The following ADGRV1 variants were observed in gnomAD, a reference collection of about 807,000 sequenced individuals.
The protein encoded by ADGRV1 is adhesion G protein-coupled receptor V1.
Under a neutral mutation model 596.2 loss-of-function variants are expected in ADGRV1, and 359 were observed. That is an observed-to-expected ratio of 0.60 (90% confidence interval 0.55 to 0.66). ADGRV1 has a LOEUF of 0.66. Among genes scored for constraint, ADGRV1 ranks in the 30% least tolerant of loss-of-function variants. ADGRV1 has a pLI of 0.00. For synonymous variants in ADGRV1, 2,681 were observed against 2,679.2 expected, an observed-to-expected ratio of 1.00 and a Z score of -0.02; for missense variants, 7,274 against 7,575.6, an observed-to-expected ratio of 0.96 and a Z score of 1.48.
intron 59 of ADGRV1, among the ~76,000 whole-genome samples, chr5:90,767,707 T>C (rs574364377): frequency 7.9e-5 from 12 of 152,122 alleles, no homozygotes; most frequent in African/African-American, 2.9e-4. Flanking sequence ...ATGACTCTTC[T>C]TCAGAGCCTT....
intron 66 of ADGRV1, 56 bp downstream of exon 66, chr5:90,783,381 C>A: frequency 8.6e-7 from 1 of 1,162,016 alleles, no homozygotes; most frequent in Non-Finnish European, 1.3e-6. Context: ...TGTGTTCAAA[C>A]TCTTACATAT....
intron 84 of ADGRV1, among the ~76,000 whole-genome samples, chr5:90,969,193 A>T (rs1001522718): frequency 1.3e-5 from 2 of 152,226 alleles, no homozygotes; most frequent in Admixed American, 6.5e-5. Flanking sequence ...AGACTGTGAA[A>T]AGACAAAATG....
At chr5:91,001,082 A>G (rs951661132) in intron 85 of ADGRV1, among the ~76,000 whole-genome samples, 2 of 151,846 alleles carry the variant, frequency 1.3e-5, no homozygotes, top group African/African-American at 4.8e-5. Flanking sequence ...TTGTGTTTCC[A>G]TTTTTCTTTT....
At chr5:90,575,708 A>G (rs956455218) in intron 1 of ADGRV1, among the ~76,000 whole-genome samples, 4 of 152,094 alleles carry the variant, frequency 2.6e-5, no homozygotes, top group African/African-American at 7.2e-5. Flanking sequence ...TGACCATGAG[A>G]GGCAGACTCC....
rs1396935395 is a variant in ADGRV1, at chr5:90,926,376, G to A, written c.17857-39039G>A. On this transcript the variant is annotated intron_variant, in intron 83 of 89. Transcript: ENST00000405460. ...TTAGTCTTGGGAGAGTGTATGTGTC[G>A]AGGAATTTATCCATTTCTTCTAGAT... Among the ~76,000 whole-genome samples, 160 of 148,188 alleles carry A rather than the reference G, an allele frequency of 1.1e-3. 1 individual carries two copies. The highest frequency in any genetic ancestry group is 1.8e-3 in the Non-Finnish European group (123 of 66,832).
intron 79 of ADGRV1, among the ~76,000 whole-genome samples, chr5:90,851,908 G>A (rs1469090362): frequency 6.6e-6 from 1 of 152,152 alleles, no homozygotes; most frequent in East Asian, 1.9e-4. Context: ...ACAAAGGGTG[G>A]GAGGGGAAAA....
At chr5:91,033,093 T>C (rs371679304) in intron 85 of ADGRV1, among the ~76,000 whole-genome samples, 4 of 152,244 alleles carry the variant, frequency 2.6e-5, no homozygotes, top group East Asian at 1.9e-4. Flanking sequence ...TATCTTACTT[T>C]GTGTTTTCTA....
At chr5:90,651,546 A>G (rs1768625102) in intron 17 of ADGRV1, 58 bp from the exon 18 acceptor site, 3 of 1,340,624 alleles carry the variant, frequency 2.2e-6, no homozygotes, top group Admixed American at 2.5e-5. Context: ...TAAAAGTATA[A>G]ATTTTACAGC....
At chr5:90,727,418 A>G (rs922032299) in intron 48 of ADGRV1, among the ~76,000 whole-genome samples, 2 of 152,042 alleles carry the variant, frequency 1.3e-5, no homozygotes, top group Non-Finnish European at 1.5e-5. Flanking sequence ...CCAGGTCCCC[A>G]TTATTTCTCT....
intron 87 of ADGRV1, among the ~76,000 whole-genome samples, chr5:91,149,822 A>G (rs1227058505): frequency 1.1e-5 from 1 of 87,080 alleles, no homozygotes; most frequent in African/African-American, 4.3e-5. Flanking sequence ...ACAGAATAAA[A>G]CTCCAGCTCA....
chr5:90,824,311 C>G (rs981701709), intron 76 of ADGRV1, among the ~76,000 whole-genome samples: 1 of 152,132 alleles, frequency 6.6e-6, no homozygotes, highest in African/African-American at 2.4e-5. Context: ...CTAGAGCTGT[C>G]TTGATTTTTT....
intron 85 of ADGRV1, among the ~76,000 whole-genome samples, chr5:91,008,589 C>A (rs529027026): frequency 2.9e-4 from 44 of 152,112 alleles, no homozygotes; most frequent in African/African-American, 9.4e-4. Context: ...CTGCAACCTC[C>A]ACCTCCCAGG....
Position 90,961,512 on chromosome 5 carries a change from G to GT in ADGRV1, c.17857-3903_17857-3902insT, listed in dbSNP as rs1778026011. 2.1e-5 allele frequency among the ~76,000 whole-genome samples: 3 copies of GT among 145,480 alleles called. 1 individual carries two copies. The highest frequency in any genetic ancestry group is 4.5e-5 in the Non-Finnish European group (3 of 66,548). ...CAAAAAAAAAAAAAAAAAAAAGGGG[G>GT]GGTGGCGGTCATTTCAAGAATAATT... On this transcript the variant is annotated intron_variant, in intron 83 of 89. Transcript: ENST00000405460.
chr5:91,153,466 T>C, intron 89 of ADGRV1, 68 bp downstream of exon 89: 1 of 1,227,886 alleles, frequency 8.1e-7, no homozygotes, highest in Non-Finnish European at 1.1e-6. Flanking sequence ...ATATTTTCTT[T>C]CCATGAAGTT....
At chr5:90,736,765 A>G (rs1226511840) in intron 50 of ADGRV1, among the ~76,000 whole-genome samples, 1 of 151,410 alleles carries the variant, frequency 6.6e-6, no homozygotes, top group African/African-American at 2.4e-5. Flanking sequence ...TAACTGTGGT[A>G]GTTTCTCTTG....
intron 83 of ADGRV1, among the ~76,000 whole-genome samples, chr5:90,881,629 A>G (rs1194380464): frequency 6.6e-6 from 1 of 152,196 alleles, no homozygotes; most frequent in Non-Finnish European, 1.5e-5. Context: ...AATTTGTAAT[A>G]GTTTCCAGCT....
chr5:91,076,678 A>G (rs1007781266), intron 86 of ADGRV1, among the ~76,000 whole-genome samples: 1 of 152,094 alleles, frequency 6.6e-6, no homozygotes, highest in Admixed American at 6.6e-5. Context: ...TATTAGGACT[A>G]TTTTTATAAG....
At position 91,108,683 on chromosome 5, in the gene ADGRV1, C is replaced by CTCCT. The variant is rs369938102; in HGVS notation, c.18432+6344_18432+6347dup. Among the ~76,000 whole-genome samples, 288 of 152,264 alleles carry CTCCT rather than the reference C, an allele frequency of 1.9e-3. 2 individuals are homozygous for CTCCT. The highest frequency in any genetic ancestry group is 6.7e-3 in the African/African-American group (279 of 41,554). The stretch of plus-strand genomic sequence containing the variant: ...GATCATAGCTCATTGCAGCCTTGAA[C>CTCCT]TCCTGGGCTCAAGCAATCCTGCCTC... On this transcript the variant is annotated intron_variant, in intron 87 of 89. Coordinates refer to ENST00000405460, the MANE Select transcript of ADGRV1 (RefSeq NM_032119.4).
chr5:90,757,351 C>G (rs1755944791), intron 57 of ADGRV1, among the ~76,000 whole-genome samples, 190 bp downstream of exon 57: 1 of 147,170 alleles, frequency 6.8e-6, no homozygotes, highest in South Asian at 2.2e-4. Flanking sequence ...TATAAAGATA[C>G]AACAATCTTA....
Sources: gnomAD v4.1 joint callset for allele counts (sites outside exome capture counted in the v4.1 genomes callset) on GRCh38, gnomAD v4.1.1 for gene constraint, MANE v1.5 for transcripts, NCBI Gene and HGNC (gene_info 2026-07-23, HGNC 2026-07-21) for gene names.